ALG12: variants seen among roughly 807,000 people sequenced by gnomAD.
ALG12 encodes the protein ALG12 alpha-1,6-mannosyltransferase.
A neutral mutation model predicts 46.0 loss-of-function variants in ALG12; 36 were observed. The observed-to-expected ratio is 0.78, with a 90% CI of 0.60 to 1.03. ALG12 has a LOEUF of 1.03. ALG12 is among the 50% of genes least tolerant of loss of function. The pLI is 0.00. For synonymous variants in ALG12, 326 were observed against 291.6 expected (o/e 1.12, Z -1.20); for missense variants, 599 against 633.5 (o/e 0.95, Z 0.58).
the ALG12 span, chr22:49,886,705 T>C: frequency 6.2e-7 from 1 of 1,613,260 alleles, no homozygotes; most frequent in Non-Finnish European, 8.5e-7. The surrounding 1 kb of genome is among the most constrained non-coding windows in gnomAD (Gnocchi z 7.7). Flanking sequence ...CTACAAGGCC[T>C]CCCTGTTTAC....
At chr22:49,869,327 A>C in the ALG12 span, among the ~76,000 whole-genome samples, 3 of 152,186 alleles carry the variant, frequency 2.0e-5, no homozygotes. Flanking sequence ...CAGTGAGTGC[A>C]CGGCTGCCTA....
intron 8 of ALG12, 41 bp downstream of exon 8, chr22:49,904,296 C>T (rs960276390): frequency 1.9e-5 from 31 of 1,614,022 alleles, no homozygotes; most frequent in Admixed American, 3.3e-5. Context: ...GCCCTGCAGT[C>T]GGAGCCACAG....
Position 49,905,941 on chromosome 22 carries a change from G to A in ALG12, c.993-1435C>T, listed in dbSNP as rs904305821. Among the ~76,000 whole-genome samples, 6 of 152,174 alleles carry A rather than the reference G, an allele frequency of 3.9e-5. No homozygotes were observed. The highest frequency in any genetic ancestry group is 1.4e-4 in the African/African-American group (6 of 41,448). ...AAACCTGGAGTGGGCAGTCACTGTG[G>A]AAAGCTCGCAATCAGAAACCTTCCA... On this transcript the variant is annotated intron_variant, in intron 7 of 9. Transcript: ENST00000330817. The surrounding 1 kb of genome is among the most constrained non-coding windows in gnomAD (Gnocchi z 4.9).
At chr22:49,908,474 G>A (rs2060556270) in intron 6 of ALG12, among the ~76,000 whole-genome samples, 1 of 133,164 alleles carries the variant, frequency 7.5e-6, no homozygotes, top group Non-Finnish European at 1.5e-5. Flanking sequence ...GTTGCAGTGA[G>A]CCGAGATCAT....
rs1195030751 is a variant in ALG12 at position 49,907,765 on chromosome 22, G to C, written c.948C>G (p.Ala316=). 5.0e-6 allele frequency: 8 copies of C among 1,614,154 alleles called. No homozygotes were observed. Among genetic ancestry groups the C allele is most frequent in the South Asian group, 1.1e-5 (1 of 91,088 alleles). Residue 316 remains alanine, a synonymous_variant, in exon 7 of 10, where the codon GCC becomes GCG. Coordinates refer to ENST00000330817, the MANE Select transcript of ALG12 (RefSeq NM_024105.4). ...CAGCCGTGATGTTGAGCATGGGGAA[G>C]GCATAGATGATGAAGCGTAGCTCCT... ...PHKELRFIIY[A]FPMLNITAAR... is the part of the protein sequence containing the mutation.
chr22:49,910,548 T>C lies in ALG12; in HGVS notation c.355A>G (p.Arg119Gly). 1 of 1,614,098 alleles carries C rather than the reference T, an allele frequency of 6.2e-7. No individual in the cohort carries two copies. The highest frequency in any genetic ancestry group is 2.2e-5 in the East Asian group (1 of 44,874). Reference protein sequence around the residue: ...FGLWTLQKEVRRHFGAMVATM... With the variant: ...FGLWTLQKEVGRHFGAMVATM... ...GCCACCATGGCCCCGAAGTGCCGTCTCACTTCCTTTTGTAACGTCCAGAGT... is the reference window on the plus strand; with the variant it reads ...GCCACCATGGCCCCGAAGTGCCGTCCCACTTCCTTTTGTAACGTCCAGAGT... Residue 119 changes from arginine (R) to glycine (G), a missense_variant, in exon 4 of 10, where the codon AGA becomes GGA. Arg to Gly is a moderately radical substitution (Grantham distance 125). Coordinates refer to ENST00000330817, the MANE Select transcript of ALG12 (RefSeq NM_024105.4).
the ALG12 span, chr22:49,883,917 G>A: frequency 3.9e-5 from 63 of 1,609,542 alleles, no homozygotes; most frequent in South Asian, 3.0e-4. Flanking sequence ...ACTATGGCGC[G>A]CTGTTCTCCC....
At chr22:49,910,654 C>G (rs2060571637) in intron 3 of ALG12, 47 bp from the exon 4 acceptor site, 4 of 1,612,118 alleles carry the variant, frequency 2.5e-6, no homozygotes, top group African/African-American at 1.3e-5. Context: ...GGAGGAGTAT[C>G]CAGTGGGGCC....
chr22:49,874,843 C>T, the ALG12 span, among the ~76,000 whole-genome samples: 6 of 151,672 alleles, frequency 4.0e-5, no homozygotes, highest in African/African-American at 1.2e-4. Flanking sequence ...CCACCATGCC[C>T]GGCTCATTTT....
chr22:49,862,921 C>T, the ALG12 span, among the ~76,000 whole-genome samples: 1 of 151,940 alleles, frequency 6.6e-6, no homozygotes, highest in Non-Finnish European at 1.5e-5. Flanking sequence ...AGGCTGGTCT[C>T]GAACTCCTGA....
chr22:49,897,822 A>AT (rs1284746580), downstream of ALG12, among the ~76,000 whole-genome samples: 22 of 150,592 alleles, frequency 1.5e-4, no homozygotes, highest in East Asian at 2.9e-3. Context: ...CGCCCGGATA[A>AT]TTTTTTTGTA....
rs974972260 is a variant in ALG12 at position 49,905,561 on chromosome 22, G to A, written c.993-1055C>T. ...GAGAGGTCTGCTTGTTTGAAAATGGGTGACACCTCCCCCGTCCCTCTTCGT... is the reference window on the plus strand; with the variant it reads ...GAGAGGTCTGCTTGTTTGAAAATGGATGACACCTCCCCCGTCCCTCTTCGT... On this transcript the variant is annotated intron_variant, in intron 7 of 9. Transcript: ENST00000330817. This position sits in a 1 kb window ranked among gnomAD's most constrained non-coding sequence, Gnocchi z 4.9. Among the ~76,000 whole-genome samples the A allele has an allele frequency of 3.9e-5, 6 of 152,108 alleles. No homozygotes were observed. Among genetic ancestry groups the A allele is most frequent in the African/African-American group, 1.4e-4 (6 of 41,430 alleles).
At chr22:49,870,267 A>G in the ALG12 span, among the ~76,000 whole-genome samples, 1 of 152,222 alleles carries the variant, frequency 6.6e-6, no homozygotes, top group African/African-American at 2.4e-5. Flanking sequence ...TGCTATTGTA[A>G]ATAGTGCTGT....
chr22:49,861,633 C>T, the ALG12 span, among the ~76,000 whole-genome samples: 2 of 152,170 alleles, frequency 1.3e-5, no homozygotes, highest in Admixed American at 1.3e-4. Flanking sequence ...ATGGGAGTCT[C>T]ACTATGTTAC....
the ALG12 span, among the ~76,000 whole-genome samples, chr22:49,895,131 C>G: frequency 6.7e-6 from 1 of 150,306 alleles, no homozygotes; most frequent in Admixed American, 6.6e-5. Flanking sequence ...GTTAGTAAAC[C>G]CACTTCATTA....
At chr22:49,892,063 CTG>C in the ALG12 span, among the ~76,000 whole-genome samples, 1 of 151,980 alleles carries the variant, frequency 6.6e-6, no homozygotes, top group South Asian at 2.1e-4. Flanking sequence ...TGGTGGGCGT[CTG>C]TAGTCCCAGC....
At chr22:49,896,812 A>AT (rs376084328), downstream of ALG12, among the ~76,000 whole-genome samples, 16,669 of 149,394 alleles carry the variant, frequency 0.11, 901 homozygotes, top group African/African-American at 0.13. Context: ...ATTTTTGTAT[A>AT]TTTTTTTTTA....
intron 6 of ALG12, 33 bp from the exon 7 acceptor site, chr22:49,907,977 T>A: frequency 6.2e-7 from 1 of 1,600,536 alleles, no homozygotes; most frequent in Non-Finnish European, 8.5e-7. Flanking sequence ...CACGCACCTG[T>A]CCACGCATGA....
intron 3 of ALG12, 141 bp from the exon 4 acceptor site, chr22:49,910,748 A>G: frequency 2.9e-6 from 3 of 1,020,076 alleles, no homozygotes; most frequent in Non-Finnish European, 4.5e-6. Flanking sequence ...ACGTCAGGCA[A>G]AGCAGCCTTG....
Sources: allele counts gnomAD v4.1 joint callset (sites outside exome capture counted in the v4.1 genomes callset), GRCh38; gene constraint gnomAD v4.1.1; non-coding constraint Gnocchi (gnomAD v3.1); transcripts MANE v1.5; gene names NCBI Gene and HGNC (gene_info 2026-07-23, HGNC 2026-07-21).